The following DAAM1 variants were observed in gnomAD, a reference collection of about 807,000 sequenced individuals.
The protein encoded by DAAM1 is disheveled-associated activator of morphogenesis 1.
A neutral mutation model predicts 130.0 loss-of-function variants in DAAM1; 52 were observed. The observed-to-expected ratio is 0.40, with a 90% CI of 0.32 to 0.50. DAAM1 has a LOEUF of 0.50. DAAM1 is among the 20% of genes least tolerant of loss of function. The pLI is 0.61. For missense variants in DAAM1, 1,134 were observed against 1,303.8 expected (o/e 0.87, Z 2.01); for synonymous variants, 452 against 444.5 (o/e 1.02, Z -0.21).
At chr14:59,315,443 C>A in intron 4 of DAAM1, 92 bp downstream of exon 4, 2 of 1,208,032 alleles carry the variant, frequency 1.7e-6, no homozygotes, top group Non-Finnish European at 1.2e-6. Context: ...TTGAGTATGA[C>A]CTACCAAATG....
intron 1 of DAAM1, among the ~76,000 whole-genome samples, chr14:59,240,234 T>G (rs1213702120): frequency 6.6e-6 from 1 of 152,210 alleles, no homozygotes; most frequent in Non-Finnish European, 1.5e-5. Context: ...TTTTTATTAT[T>G]ACTTCATCTC....
At chr14:59,356,366 CTGT>C (rs774791383) in intron 20 of DAAM1, among the ~76,000 whole-genome samples, 2 of 152,180 alleles carry the variant, frequency 1.3e-5, no homozygotes, top group African/African-American at 4.8e-5. Flanking sequence ...TGAAGAGCAG[CTGT>C]TGTTATAGCC....
At chr14:59,340,249 G>C (rs1384859137) in intron 16 of DAAM1, 69 bp downstream of exon 16, 2 of 1,450,170 alleles carry the variant, frequency 1.4e-6, no homozygotes, top group African/African-American at 2.8e-5. Flanking sequence ...AAAACCACAT[G>C]TTAGTGATTT....
chr14:59,227,452 G>A (rs1888975828), intron 1 of DAAM1, among the ~76,000 whole-genome samples: 1 of 152,204 alleles, frequency 6.6e-6, no homozygotes, highest in African/African-American at 2.4e-5. Flanking sequence ...TGAAGGTCCT[G>A]AAGGACTTGT....
At position 59,331,264 on chromosome 14, in the gene DAAM1, C is replaced by G. The variant is rs1171020803; in HGVS notation, c.1616C>G (p.Pro539Arg). Residue 539 changes from proline to arginine, a missense_variant, in exon 14 of 25, where the codon CCC (proline) becomes CGC (arginine). Pro to Arg is a moderately radical substitution (Grantham distance 103). Transcript: ENST00000360909. ...GGPSPGAPGGPFPSSVPGSLL... is the reference protein window; with the variant it reads ...GGPSPGAPGGRFPSSVPGSLL... ...CCCTCGCCTGGAGCACCAGGAGGGC[C>G]CTTTCCTTCCTCTGTGCCTGGATCT... 4 of 1,612,914 alleles carry G rather than the reference C, an allele frequency of 2.5e-6. No homozygotes were observed. The South Asian group carries it at 4.4e-5, about 18-fold the overall frequency.
Position 59,327,005 on chromosome 14 carries a change from C to G in DAAM1, c.1372+14C>G, listed in dbSNP as rs773426753. ...AAATGAGAAAAGGTAAATAATGAGG[C>G]CCTGATAAGAGGCTGTGTTATTGGT... On this transcript the variant is annotated intron_variant, in intron 12 of 24. Coordinates refer to ENST00000360909, the MANE Select transcript of DAAM1 (RefSeq NM_001270520.2). 6.2e-7 allele frequency: 1 copy of G among 1,613,652 alleles called. No homozygotes were observed. The highest frequency in any genetic ancestry group is 8.5e-7 in the Non-Finnish European group (1 of 1,179,758).
chr14:59,249,913 T>C (rs978697175), intron 1 of DAAM1, among the ~76,000 whole-genome samples: 1 of 152,236 alleles, frequency 6.6e-6, no homozygotes, highest in Non-Finnish European at 1.5e-5. Context: ...TTGGAAATTA[T>C]ATTGAATTCA....
intron 1 of DAAM1, among the ~76,000 whole-genome samples, chr14:59,259,609 G>A (rs1882073761): frequency 1.3e-5 from 2 of 152,160 alleles, no homozygotes; most frequent in Admixed American, 6.5e-5. Flanking sequence ...ACACTGGCCT[G>A]GCTTCTGAGT....
At position 59,341,966 on chromosome 14, in the gene DAAM1, C is replaced by A. The variant is rs563200415; in HGVS notation, c.2075+1786C>A. ...CAGATTATTCAGTAGTACTAAGTAC[C>A]AACCAGGGTAATTACACTAGATATA... On this transcript the variant is annotated intron_variant, in intron 16 of 24. Transcript: ENST00000360909. Among the ~76,000 whole-genome samples the A allele has an allele frequency of 6.6e-5, 10 of 152,184 alleles. No homozygotes were observed. The East Asian group carries it at 1.9e-3, about 29-fold the overall frequency.
chr14:59,291,350 T>A, intron 3 of DAAM1, 44 bp downstream of exon 3: 1 of 1,439,370 alleles, frequency 6.9e-7, no homozygotes, highest in Non-Finnish European at 9.6e-7. Flanking sequence ...AAATAATCAT[T>A]GATTCCATTT....
intron 3 of DAAM1, among the ~76,000 whole-genome samples, chr14:59,310,064 T>C (rs1439197658): frequency 1.3e-5 from 2 of 152,034 alleles, no homozygotes; most frequent in African/African-American, 4.8e-5. Context: ...TTCATTAGTG[T>C]ATGGGATTGG....
intron 12 of DAAM1, 22 bp from the exon 13 acceptor site, chr14:59,330,479 G>A: frequency 6.4e-7 from 1 of 1,559,140 alleles, no homozygotes; most frequent in Non-Finnish European, 8.6e-7. Flanking sequence ...CTGTTTTCAT[G>A]TCCAATTGTT....
intron 1 of DAAM1, among the ~76,000 whole-genome samples, chr14:59,243,521 A>C (rs187309641): frequency 4.6e-5 from 7 of 152,298 alleles, no homozygotes; most frequent in Admixed American, 3.9e-4. Flanking sequence ...ATCAGTACTC[A>C]GCCTATAATT....
Position 59,371,138 on chromosome 14 carries a change from G to C in DAAM1, c.*2279G>C, listed in dbSNP as rs1887155723. The C allele has an allele frequency of 6.6e-6, 1 of 150,400 alleles. No individual in the cohort carries two copies. The highest frequency in any genetic ancestry group is 2.4e-5 in the African/African-American group (1 of 41,054). The allele number at this position is 150,400 out of a possible 1,614,324, so 9.3% of individuals were successfully genotyped here. On this transcript the variant is annotated 3_prime_UTR_variant, in exon 25 of 25. Transcript: ENST00000360909. ...AAAAAAACCTACTTTTTAGATTGGTGCTGGTGTAAGTAGCCACTTTTCTCT... is the reference window on the plus strand; with the variant it reads ...AAAAAAACCTACTTTTTAGATTGGTCCTGGTGTAAGTAGCCACTTTTCTCT...
At chr14:59,330,761 G>C (rs10148920) in intron 13 of DAAM1, 73 bp downstream of exon 13, 12 of 1,417,554 alleles carry the variant, frequency 8.5e-6, no homozygotes, top group Non-Finnish European at 5.7e-6. Context: ...CCCTTAAGTA[G>C]AGAACTTCAT....
At chr14:59,239,140 T>C (rs994287533) in intron 1 of DAAM1, among the ~76,000 whole-genome samples, 4 of 152,200 alleles carry the variant, frequency 2.6e-5, no homozygotes, top group African/African-American at 4.8e-5. Flanking sequence ...AAAATGATAC[T>C]GTGCACACAA....
intron 15 of DAAM1, among the ~76,000 whole-genome samples, chr14:59,333,287 A>G (rs1460488089): frequency 6.6e-6 from 1 of 152,186 alleles, no homozygotes; most frequent in African/African-American, 2.4e-5. Flanking sequence ...TCAGCTGCCC[A>G]CCCCTACTGT....
chr14:59,235,981 A>G (rs1390148239), intron 1 of DAAM1, among the ~76,000 whole-genome samples: 2 of 152,232 alleles, frequency 1.3e-5, no homozygotes, highest in African/African-American at 2.4e-5. Flanking sequence ...AATAGACTTG[A>G]TATGCTTAAT....
At chr14:59,318,877 AG>A (rs1235676257) in intron 4 of DAAM1, among the ~76,000 whole-genome samples, 3 of 152,310 alleles carry the variant, frequency 2.0e-5, no homozygotes, top group Non-Finnish European at 4.4e-5. Context: ...CACCCTCTCC[AG>A]GATTTTTAAA....
Sources: allele counts gnomAD v4.1 joint callset (sites outside exome capture counted in the v4.1 genomes callset), GRCh38; gene constraint gnomAD v4.1.1; transcripts MANE v1.5; gene names NCBI Gene and HGNC (gene_info 2026-07-23, HGNC 2026-07-21).